Variants in VAV2 observed in about 807,000 individuals in gnomAD.
VAV2 encodes the protein vav guanine nucleotide exchange factor 2.
A neutral mutation model predicts 132.5 loss-of-function variants in VAV2; 67 were observed. The ratio of observed to expected loss-of-function variants is 0.51; its 90% confidence interval spans 0.42 to 0.62. The LOEUF is 0.62. Ranked by LOEUF, VAV2 falls within the 20% of genes least tolerant of loss-of-function variation. The pLI is 0.00. For synonymous variants in VAV2, 492 were observed against 443.5 expected (o/e 1.11, Z -1.37); for missense variants, 938 against 1,153.6 (o/e 0.81, Z 2.71).
At chr9:133,985,972 T>G (rs1588228979) in intron 1 of VAV2, among the ~76,000 whole-genome samples, 1 of 149,090 alleles carries the variant, frequency 6.7e-6, no homozygotes, top group Non-Finnish European at 1.5e-5. Flanking sequence ...AAAGCAGAGA[T>G]GGATGAGAAG....
intron 1 of VAV2, among the ~76,000 whole-genome samples, chr9:133,942,730 G>T (rs1841215510): frequency 6.6e-6 from 1 of 152,196 alleles, no homozygotes; most frequent in Non-Finnish European, 1.5e-5. Flanking sequence ...TTTCCCATGG[G>T]CCCAGCAACT....
intron 2 of VAV2, chr9:133,925,860 T>C (rs1469958586): frequency 2.0e-5 from 3 of 152,140 alleles, no homozygotes; most frequent in African/African-American, 4.8e-5. Flanking sequence ...TATTTTTTTT[T>C]CTTTTCTCCT....
chr9:133,905,329 G>A (rs2486333), intron 2 of VAV2, among the ~76,000 whole-genome samples: 42,920 of 150,310 alleles, frequency 0.29, 7,568 homozygotes, highest in Non-Finnish European at 0.39. Flanking sequence ...CCAGCTACTC[G>A]GGAGGCTGAG....
In VAV2 at chr9:133,772,048, T is replaced by C. The variant is rs374536021; in HGVS notation, c.2136-2A>G. ...ATGTGCTTCACCTCATCATTGAACC[T>C]GAGCAAACACACGGCCCCGGCGGTC... On this transcript the variant is annotated splice_acceptor_variant, in intron 25 of 29. Coordinates refer to ENST00000371850, the MANE Select transcript of VAV2 (RefSeq NM_001134398.2). LOFTEE classifies it high-confidence loss of function. The C allele has an allele frequency of 8.2e-6, 9 of 1,102,998 alleles. No individual in the cohort carries two copies. Among genetic ancestry groups the C allele is most frequent in the Non-Finnish European group, 1.1e-5 (9 of 802,280 alleles). 68.3% of individuals were successfully genotyped at this position (1,102,998 alleles called of 1,614,324 possible).
Position 133,833,873 on chromosome 9 carries a change from C to G in VAV2, c.449+399G>C, listed in dbSNP as rs1836359927. On this transcript the variant is annotated intron_variant, in intron 4 of 29. Coordinates refer to ENST00000371850, the MANE Select transcript of VAV2 (RefSeq NM_001134398.2). This position sits in a 1 kb window ranked among gnomAD's most constrained non-coding sequence, Gnocchi z 5.6. ...CCTGAACCTGCGCTCCAGGCAGCAC[C>G]GCTCCCTCCTCACAACACGGCATCC... Among the ~76,000 whole-genome samples, 1 of 152,162 alleles carries G rather than the reference C, an allele frequency of 6.6e-6. No individual in the cohort carries two copies. The highest frequency in any genetic ancestry group is 2.4e-5 in the African/African-American group (1 of 41,436).
At chr9:133,916,961 A>G (rs1564463925) in intron 2 of VAV2, among the ~76,000 whole-genome samples, 1 of 152,192 alleles carries the variant, frequency 6.6e-6, no homozygotes, top group Admixed American at 6.5e-5. Flanking sequence ...AATGAGACAC[A>G]TACAAAGAAA....
intron 29 of VAV2, among the ~76,000 whole-genome samples, chr9:133,767,307 GA>G (rs1244201694): frequency 2.0e-5 from 3 of 152,130 alleles, no homozygotes; most frequent in Non-Finnish European, 2.9e-5. Context: ...GTAATCCCAA[GA>G]AAGCTGGTGT....
At chr9:133,960,226 G>A (rs918993220) in intron 1 of VAV2, among the ~76,000 whole-genome samples, 7 of 152,194 alleles carry the variant, frequency 4.6e-5, no homozygotes, top group South Asian at 2.1e-4. Context: ...CAAAGGCATC[G>A]CTGCAGGTGC....
intron 29 of VAV2, among the ~76,000 whole-genome samples, chr9:133,765,131 A>G (rs1833391115): frequency 6.6e-6 from 1 of 152,228 alleles, no homozygotes; most frequent in Admixed American, 6.5e-5. Flanking sequence ...TAATATCTAT[A>G]GATAGTCAAA....
chr9:133,931,456 C>T (rs1484253909), intron 2 of VAV2, among the ~76,000 whole-genome samples: 1 of 152,160 alleles, frequency 6.6e-6, no homozygotes, highest in Non-Finnish European at 1.5e-5. Context: ...GAAACACGTC[C>T]TTCCCTCTTC....
chr9:133,975,598 G>A (rs1469881097), intron 1 of VAV2, among the ~76,000 whole-genome samples: 2 of 152,102 alleles, frequency 1.3e-5, no homozygotes, highest in African/African-American at 4.8e-5. Context: ...TCACACAACT[G>A]AGAAATGACA....
At chr9:133,816,367 T>C (rs1025831987) in intron 4 of VAV2, among the ~76,000 whole-genome samples, 5 of 152,256 alleles carry the variant, frequency 3.3e-5, no homozygotes, top group Admixed American at 6.5e-5. Flanking sequence ...CTCTGTCCTG[T>C]GTCCTAAGAA....
rs192706734 is a variant in VAV2, at chr9:133,812,269, C to T, written c.450-53G>A. On this transcript the variant is annotated intron_variant, in intron 4 of 29. Transcript: ENST00000371850. ...GAGGGGAGGCTCCCGCCACCCTGAC[C>T]GGGGAGCCGCAGAGCACGAGGGTCC... 2.4e-4 allele frequency: 371 copies of T among 1,575,068 alleles called. 2 individuals are homozygous for T. The highest frequency in any genetic ancestry group is 1.3e-3 in the Admixed American group (80 of 59,882).
intron 17 of VAV2, among the ~76,000 whole-genome samples, chr9:133,785,208 C>T (rs111374186): frequency 3.9e-5 from 6 of 152,330 alleles, no homozygotes; most frequent in African/African-American, 1.2e-4. Flanking sequence ...GGCGAGTGCA[C>T]CTGCCTGCAG....
Position 133,885,134 on chromosome 9 carries a change from A to C in VAV2, c.322-23702T>G, listed in dbSNP as rs1052904925. On this transcript the variant is annotated intron_variant, in intron 2 of 29. Transcript: ENST00000371850. This position sits in a 1 kb window ranked among gnomAD's most constrained non-coding sequence, Gnocchi z 5.0. ...GGCAAGCACAGCCAATATTCATCAAAATGCATGAATCTTCTCTGAACCAGT... is the reference window on the plus strand; with the variant it reads ...GGCAAGCACAGCCAATATTCATCAACATGCATGAATCTTCTCTGAACCAGT... Among the ~76,000 whole-genome samples the C allele has an allele frequency of 6.6e-6, 1 of 152,206 alleles. No homozygotes were observed. Among genetic ancestry groups the C allele is most frequent in the Non-Finnish European group, 1.5e-5 (1 of 68,034 alleles).
At chr9:133,945,978 C>T (rs1204056562) in intron 1 of VAV2, among the ~76,000 whole-genome samples, 1 of 152,256 alleles carries the variant, frequency 6.6e-6, no homozygotes, top group Non-Finnish European at 1.5e-5. Flanking sequence ...CCCTCTGACT[C>T]CCACGATGCT....
At chr9:133,872,279 G>A (rs1220273097) in intron 2 of VAV2, among the ~76,000 whole-genome samples, 1 of 152,214 alleles carries the variant, frequency 6.6e-6, no homozygotes, top group Non-Finnish European at 1.5e-5. Flanking sequence ...GCAAGCCCTG[G>A]CTTCCTCCCT....
At chr9:133,838,816 T>C (rs1438288707) in intron 3 of VAV2, among the ~76,000 whole-genome samples, 1 of 120,872 alleles carries the variant, frequency 8.3e-6, no homozygotes, top group East Asian at 2.7e-4. Context: ...GATGGATGAA[T>C]GGATAGGTTG....
At chr9:133,870,976 A>G (rs1170445225) in intron 2 of VAV2, among the ~76,000 whole-genome samples, 4 of 107,864 alleles carry the variant, frequency 3.7e-5, no homozygotes, top group South Asian at 7.2e-4. Flanking sequence ...GGGTGGGTAG[A>G]TGGATGGATG....
Sources: gnomAD v4.1 joint callset for allele counts (sites outside exome capture counted in the v4.1 genomes callset) on GRCh38, gnomAD v4.1.1 for gene constraint, Gnocchi (gnomAD v3.1) non-coding constraint, MANE v1.5 for transcripts, NCBI Gene and HGNC (gene_info 2026-07-23, HGNC 2026-07-21) for gene names.